The following ARB2A variants were observed in gnomAD, a reference collection of about 807,000 sequenced individuals.
The protein encoded by ARB2A is cotranscriptional regulator ARB2A.
chr5:93,696,185 T>TA, the ARB2A span, among the ~76,000 whole-genome samples: 28 of 152,214 alleles, frequency 1.8e-4, no homozygotes, highest in South Asian at 4.0e-3. Flanking sequence ...AAGGTATCTA[T>TA]AAAAAAACCC....
At chr5:93,979,564 G>A in the ARB2A span, among the ~76,000 whole-genome samples, 3 of 151,906 alleles carry the variant, frequency 2.0e-5, no homozygotes, top group Non-Finnish European at 4.4e-5. Context: ...ATCAAATTTT[G>A]ATATTTTTAC....
the ARB2A span, among the ~76,000 whole-genome samples, chr5:93,901,239 C>G: frequency 5.3e-5 from 8 of 151,936 alleles, no homozygotes; most frequent in African/African-American, 1.9e-4. Context: ...AATGTGCAGT[C>G]AAAAAGAAAA....
chr5:93,770,973 C>CA, the ARB2A span, among the ~76,000 whole-genome samples: 10 of 151,924 alleles, frequency 6.6e-5, no homozygotes, highest in Admixed American at 6.6e-4. Flanking sequence ...CATATGGAAC[C>CA]AAAAAAGAGC....
chr5:94,034,744 T>C, the ARB2A span, among the ~76,000 whole-genome samples: 4 of 152,158 alleles, frequency 2.6e-5, no homozygotes, highest in East Asian at 1.9e-4. Context: ...ATGTTGTACG[T>C]AGGCCAGGCG....
the ARB2A span, among the ~76,000 whole-genome samples, chr5:93,859,464 A>C: frequency 6.6e-6 from 1 of 152,144 alleles, no homozygotes; most frequent in Admixed American, 6.5e-5. Context: ...CTAGGTAAGG[A>C]CTTTTTAAAT....
chr5:93,985,634 G>A, the ARB2A span, among the ~76,000 whole-genome samples: 372 of 152,268 alleles, frequency 2.4e-3, 1 homozygote, highest in African/African-American at 8.3e-3. Context: ...CCTGTTGGCC[G>A]GGCTGGTCTC....
chr5:93,937,498 G>C, the ARB2A span, among the ~76,000 whole-genome samples: 2 of 151,824 alleles, frequency 1.3e-5, no homozygotes, highest in African/African-American at 4.8e-5. Flanking sequence ...TGTAGTCCCA[G>C]CTATTCGGGA....
chr5:93,938,044 T>C, the ARB2A span, among the ~76,000 whole-genome samples: 1 of 152,168 alleles, frequency 6.6e-6, no homozygotes, highest in Non-Finnish European at 1.5e-5. Context: ...GGCCCAAATG[T>C]AGTCTCTTTT....
At chr5:93,927,237 A>C in the ARB2A span, among the ~76,000 whole-genome samples, 14 of 152,202 alleles carry the variant, frequency 9.2e-5, no homozygotes, top group African/African-American at 3.4e-4. Flanking sequence ...AATTAGGAAA[A>C]TTTGGAAAAA....
the ARB2A span, among the ~76,000 whole-genome samples, chr5:93,690,787 A>G: frequency 6.6e-6 from 1 of 152,120 alleles, no homozygotes; most frequent in East Asian, 1.9e-4. Flanking sequence ...GTTGATAGAC[A>G]CCTCATACAG....
chr5:93,857,559 G>A, the ARB2A span, among the ~76,000 whole-genome samples: 1 of 152,122 alleles, frequency 6.6e-6, no homozygotes, highest in South Asian at 2.1e-4. Context: ...AGAAATCAGC[G>A]AGACTCCATG....
the ARB2A span, among the ~76,000 whole-genome samples, chr5:93,903,773 T>C: frequency 2.0e-5 from 3 of 151,568 alleles, no homozygotes; most frequent in East Asian, 5.8e-4. Flanking sequence ...CAGATAGTCC[T>C]AGCCACATAG....
the ARB2A span, among the ~76,000 whole-genome samples, chr5:93,792,575 G>C: frequency 1.3e-5 from 2 of 151,384 alleles, no homozygotes; most frequent in Non-Finnish European, 2.9e-5. Context: ...GTGAACTATC[G>C]CAAGAACAAA....
the ARB2A span, among the ~76,000 whole-genome samples, chr5:94,106,772 T>C: frequency 1.4e-5 from 2 of 144,424 alleles, no homozygotes; most frequent in African/African-American, 5.1e-5. Context: ...GTGGCACATA[T>C]ACACCACGGA....
the ARB2A span, among the ~76,000 whole-genome samples, chr5:93,864,229 A>C: frequency 6.6e-6 from 1 of 152,190 alleles, no homozygotes; most frequent in Non-Finnish European, 1.5e-5. Flanking sequence ...GTTAAGTGCA[A>C]TTATTAATTA....
the ARB2A span, among the ~76,000 whole-genome samples, chr5:94,110,689 C>A: frequency 6.6e-6 from 1 of 152,186 alleles, no homozygotes; most frequent in Non-Finnish European, 1.5e-5. Flanking sequence ...ATTTGTTATG[C>A]AGTATATGGC....
the ARB2A span, among the ~76,000 whole-genome samples, chr5:93,884,243 AT>A: frequency 6.6e-6 from 1 of 151,766 alleles, no homozygotes; most frequent in South Asian, 2.1e-4. Flanking sequence ...AATCAAAAAA[AT>A]AATATTTTCA....
At chr5:93,796,958 A>G in the ARB2A span, among the ~76,000 whole-genome samples, 1 of 152,162 alleles carries the variant, frequency 6.6e-6, no homozygotes, top group Admixed American at 6.5e-5. Context: ...ACTTACCTCT[A>G]TGTATATGGC....
chr5:93,951,245 T>C, the ARB2A span, among the ~76,000 whole-genome samples: 1 of 152,164 alleles, frequency 6.6e-6, no homozygotes, highest in Non-Finnish European at 1.5e-5. Flanking sequence ...CTTTGTCCAA[T>C]GGATAGTTTG....
Sources: allele counts gnomAD v4.1 joint callset (sites outside exome capture counted in the v4.1 genomes callset), GRCh38; gene constraint gnomAD v4.1.1; transcripts MANE v1.5; gene names NCBI Gene and HGNC (gene_info 2026-07-23, HGNC 2026-07-21).